The following USP48 variants were observed in gnomAD, a reference collection of about 807,000 sequenced individuals.
USP48 encodes the protein ubiquitin carboxyl-terminal hydrolase 48.
In USP48, 43 loss-of-function variants were observed where a neutral mutation model predicts 150.7. The observed-to-expected ratio is 0.29, with a 90% confidence interval of 0.22 to 0.37. USP48 has a LOEUF of 0.37. Ranked by LOEUF, USP48 falls within the 10% of genes least tolerant of loss-of-function variation. USP48 has a pLI of 1.00. For missense variants in USP48, 813 were observed against 1,249.6 expected (o/e 0.65, Z 5.27); for synonymous variants, 396 against 425.9 (o/e 0.93, Z 0.86).
At position 21,679,220 on chromosome 1, in the gene USP48, C is replaced by T; in HGVS notation, c.*197G>A. On this transcript the variant is annotated 3_prime_UTR_variant, in exon 27 of 27. Coordinates refer to ENST00000308271, the MANE Select transcript of USP48 (RefSeq NM_032236.8). ...AATATAAAATTGGAAACATTTCCTT[C>T]AAGTCTGATGTCCATCAGTGCAATC... 1 of 366,348 alleles carries T rather than the reference C, an allele frequency of 2.7e-6. No homozygotes were observed. The highest frequency in any genetic ancestry group is 5.2e-6 in the Non-Finnish European group (1 of 192,272). The allele number at this position is 366,348 out of a possible 1,614,324, so 22.7% of individuals were successfully genotyped here. A position where few individuals can be genotyped will look rare whatever the true frequency, so the allele number is the denominator to read the frequency against.
chr1:21,683,047 C>T (rs1040014023), intron 25 of USP48, among the ~76,000 whole-genome samples: 3 of 151,994 alleles, frequency 2.0e-5, no homozygotes, highest in Admixed American at 6.6e-5. Flanking sequence ...GATCACCTGA[C>T]GACAGGAATT....
intron 1 of USP48, among the ~76,000 whole-genome samples, chr1:21,777,321 C>T (rs1394293243): frequency 6.6e-6 from 1 of 151,976 alleles, no homozygotes; most frequent in Non-Finnish European, 1.5e-5. Flanking sequence ...ATTAAAACTG[C>T]TCAAACCTTG....
At chr1:21,711,601 G>A (rs1874794) in intron 15 of USP48, among the ~76,000 whole-genome samples, 66,896 of 151,934 alleles carry the variant, frequency 0.44, 15,338 homozygotes, top group East Asian at 0.65. Context: ...TTCCAGGCAG[G>A]CAAATAAAAG....
intron 15 of USP48, among the ~76,000 whole-genome samples, chr1:21,711,946 A>G (rs2097691344): frequency 6.6e-6 from 1 of 152,190 alleles, no homozygotes; most frequent in Non-Finnish European, 1.5e-5. Context: ...ACCTAGGCAA[A>G]ATTATCCATT....
intron 23 of USP48, 86 bp downstream of exon 23, chr1:21,694,980 T>C (rs2097622119): frequency 9.4e-6 from 13 of 1,387,310 alleles, no homozygotes; most frequent in Non-Finnish European, 1.3e-5. Flanking sequence ...CACAGATACA[T>C]ACATATATGT....
intron 6 of USP48, among the ~76,000 whole-genome samples, chr1:21,749,785 C>A (rs889332843): frequency 6.6e-6 from 1 of 151,814 alleles, no homozygotes; most frequent in African/African-American, 2.4e-5. Flanking sequence ...TTATTTTTTG[C>A]AAAGACGGTC....
chr1:21,703,665 A>G, intron 20 of USP48, 47 bp from the exon 21 acceptor site: 1 of 1,332,686 alleles, frequency 7.5e-7, no homozygotes, highest in South Asian at 1.2e-5. Context: ...CTGAGGAATC[A>G]TTGTTAAAGA....
At chr1:21,772,958 G>C (rs1290052289) in intron 1 of USP48, among the ~76,000 whole-genome samples, 3 of 144,358 alleles carry the variant, frequency 2.1e-5, no homozygotes, top group Non-Finnish European at 4.6e-5. Flanking sequence ...AAGAAAAAAA[G>C]AAAGAAAAAA....
At chr1:21,679,855 G>A (rs1809474) in intron 26 of USP48, among the ~76,000 whole-genome samples, 3,374 of 152,180 alleles carry the variant, frequency 0.022, 56 homozygotes, top group Middle Eastern at 0.034. Context: ...CACCATGCCC[G>A]GCTAATTTTT....
chr1:21,741,766 G>C (rs1384673), intron 8 of USP48, among the ~76,000 whole-genome samples: 3 of 152,016 alleles, frequency 2.0e-5, no homozygotes, highest in East Asian at 1.9e-4. Flanking sequence ...GCTTAAGGCC[G>C]TAAGTCCGAA....
chr1:21,698,284 G>C (rs2097643616), intron 22 of USP48, among the ~76,000 whole-genome samples: 1 of 152,120 alleles, frequency 6.6e-6, no homozygotes, highest in African/African-American at 2.4e-5. Context: ...AAACATTTTA[G>C]AGTATTACAA....
At chr1:21,701,276 G>C (rs562243169) in intron 22 of USP48, among the ~76,000 whole-genome samples, 18 of 146,734 alleles carry the variant, frequency 1.2e-4, no homozygotes, top group Admixed American at 2.1e-4. Flanking sequence ...TGGGGCAGGA[G>C]AATCATTTAA....
intron 14 of USP48, among the ~76,000 whole-genome samples, chr1:21,716,766 C>T (rs1050604944): frequency 2.0e-5 from 3 of 152,160 alleles, no homozygotes; most frequent in East Asian, 1.9e-4. Context: ...TGGTGGCTCA[C>T]GCCTGTAATA....
intron 9 of USP48, 133 bp from the exon 10 acceptor site, chr1:21,729,965 C>T (rs1014435770): frequency 2.7e-6 from 3 of 1,101,080 alleles, no homozygotes; most frequent in Non-Finnish European, 3.7e-6. Context: ...CATTCAAAGG[C>T]CATAGAAATT....
chr1:21,688,835 TC>T (rs1220078301), intron 24 of USP48, among the ~76,000 whole-genome samples: 2 of 87,306 alleles, frequency 2.3e-5, no homozygotes, highest in Non-Finnish European at 4.0e-5. Context: ...ACAGCGAGAC[TC>T]CATCTCAAAA....
At chr1:21,766,675 C>T (rs1265099302) in intron 1 of USP48, among the ~76,000 whole-genome samples, 1 of 152,132 alleles carries the variant, frequency 6.6e-6, no homozygotes, top group Non-Finnish European at 1.5e-5. Context: ...CTCATCACCT[C>T]TTAGTTTCTT....
chr1:21,693,944 T>C (rs182092289), intron 23 of USP48, among the ~76,000 whole-genome samples: 336 of 152,328 alleles, frequency 2.2e-3, no homozygotes, highest in Non-Finnish European at 4.0e-3. Flanking sequence ...ACCAGTAAAC[T>C]ATGCCACATA....
At position 21,758,055 on chromosome 1, in the gene USP48, A is replaced by G. The variant is rs2097841240; in HGVS notation, c.135-272T>C. ...TGTTCCTTAGGCTATACCTCCAACA[A>G]TGCAAAATCTCACTCATAAGGTTAT... On this transcript the variant is annotated intron_variant, in intron 1 of 26. Transcript: ENST00000308271. Among the ~76,000 whole-genome samples, 3 of 152,120 alleles carry G rather than the reference A, an allele frequency of 2.0e-5. No individual in the cohort carries two copies. The South Asian group carries it at 6.2e-4, about 31-fold the overall frequency.
rs760619226 is a variant in USP48, at chr1:21,728,661, T to G, written c.1359A>C (p.Glu453Asp). Reference sequence around the variant, plus strand: ...CACTTTGCTTACGCATCTCAGCCATTTCAATACACCACTCCTCAAATTTGG... The same window carrying G: ...CACTTTGCTTACGCATCTCAGCCATGTCAATACACCACTCCTCAAATTTGG... ...DNSKFEEWCI[E>D]MAEMRKQSVD... The change falls in exon 11 of 27, where the codon GAA becomes GAC. Residue 453 changes from glutamate (E) to aspartate (D), a missense_variant. Coordinates refer to ENST00000308271, the MANE Select transcript of USP48 (RefSeq NM_032236.8). The G allele has an allele frequency of 4.0e-5, 64 of 1,614,094 alleles. No homozygotes were observed. The highest frequency in any genetic ancestry group is 5.3e-5 in the Non-Finnish European group (62 of 1,180,060).
Sources: gnomAD v4.1 joint callset for allele counts (sites outside exome capture counted in the v4.1 genomes callset) on GRCh38, gnomAD v4.1.1 for gene constraint, MANE v1.5 for transcripts, NCBI Gene and HGNC (gene_info 2026-07-23, HGNC 2026-07-21) for gene names.